The following FGF12 variants were observed in gnomAD, a reference collection of about 807,000 sequenced individuals.
FGF12 encodes the protein fibroblast growth factor 12B.
Under a neutral mutation model 23.6 loss-of-function variants are expected in FGF12, and 14 were observed. The ratio of observed to expected loss-of-function variants is 0.59; its 90% CI spans 0.39 to 0.93. The LOEUF (loss-of-function observed/expected upper bound fraction) is 0.93, where lower values mean the gene tolerates loss of function less well. Among genes scored for constraint, FGF12 ranks in the 40% least tolerant of loss-of-function variants. The pLI is 0.00. For synonymous variants in FGF12, 62 were observed against 77.3 expected (o/e 0.80, Z 1.04); for missense variants, 175 against 217.8 (o/e 0.80, Z 1.24).
At chr3:192,172,818 T>C (rs1483012310) in intron 4 of FGF12, among the ~76,000 whole-genome samples, 1 of 150,944 alleles carries the variant, frequency 6.6e-6, no homozygotes, top group East Asian at 1.9e-4. Context: ...TGAAAACATA[T>C]GTCCACACAA....
intron 2 of FGF12, among the ~76,000 whole-genome samples, chr3:192,416,667 AC>A (rs1028148274): frequency 3.3e-5 from 5 of 152,140 alleles, no homozygotes; most frequent in African/African-American, 1.2e-4. Flanking sequence ...CAGATTAAAA[AC>A]ATTGAAGAAT....
At chr3:192,297,909 T>C (rs1182048905) in intron 4 of FGF12, among the ~76,000 whole-genome samples, 2 of 152,204 alleles carry the variant, frequency 1.3e-5, no homozygotes, top group African/African-American at 4.8e-5. Context: ...CCAACGTGTG[T>C]GCAGTTTTTA....
At chr3:192,365,713 A>T (rs1718950985) in intron 2 of FGF12, among the ~76,000 whole-genome samples, 1 of 152,168 alleles carries the variant, frequency 6.6e-6, no homozygotes, top group Admixed American at 6.6e-5. Flanking sequence ...TCCCATCAGG[A>T]TGACATGGCA....
chr3:192,364,265 C>T (rs1197013528), intron 2 of FGF12, among the ~76,000 whole-genome samples: 1 of 152,190 alleles, frequency 6.6e-6, no homozygotes, highest in Non-Finnish European at 1.5e-5. Context: ...CAAATAGGGT[C>T]AATGGAATAG....
intron 4 of FGF12, among the ~76,000 whole-genome samples, chr3:192,277,906 G>A (rs945981221): frequency 3.3e-5 from 5 of 152,196 alleles, no homozygotes; most frequent in Non-Finnish European, 7.3e-5. Context: ...GGGAATACAG[G>A]CGCCTGCCAC....
intron 2 of FGF12, among the ~76,000 whole-genome samples, chr3:192,646,882 A>G (rs1716026119): frequency 6.6e-6 from 1 of 151,922 alleles, no homozygotes; most frequent in Admixed American, 6.6e-5. Context: ...ATACATCAAT[A>G]AAGTTTTTTT....
chr3:192,369,766 C>T (rs1349968366), intron 2 of FGF12, among the ~76,000 whole-genome samples: 1 of 152,172 alleles, frequency 6.6e-6, no homozygotes, highest in Non-Finnish European at 1.5e-5. Context: ...GATGCAATTC[C>T]TGCCTTGAAG....
At chr3:192,279,497 G>C (rs1714017374) in intron 4 of FGF12, among the ~76,000 whole-genome samples, 1 of 151,994 alleles carries the variant, frequency 6.6e-6, no homozygotes, top group Non-Finnish European at 1.5e-5. Flanking sequence ...TATAGATGAA[G>C]AAACAGAGGC....
intron 3 of FGF12, among the ~76,000 whole-genome samples, chr3:192,343,181 A>G (rs907728863): frequency 3.9e-5 from 6 of 152,154 alleles, no homozygotes; most frequent in Admixed American, 1.3e-4. Context: ...ATTTTGTCAA[A>G]TGGCCAATAA....
At chr3:192,515,243 C>T (rs2108842526) in intron 2 of FGF12, 1 of 152,404 alleles carries the variant, frequency 6.6e-6, no homozygotes, top group African/African-American at 2.4e-5. Context: ...AGGCAGCGGT[C>T]CCGCGGGCTG....
chr3:192,202,152 G>GA (rs1261264342), intron 4 of FGF12, among the ~76,000 whole-genome samples: 4 of 150,936 alleles, frequency 2.7e-5, no homozygotes, highest in South Asian at 2.1e-4. Context: ...ATGGGACCCT[G>GA]AAAAAAAAAG....
In FGF12 at chr3:192,664,620, G is replaced by T. The variant is rs1239807367; in HGVS notation, c.13+62561C>A. The stretch of plus-strand genomic sequence containing the variant: ...AAAAAAAATACAAAAAAAAAAAAAA[G>T]CTGGGCATGGTGGCATGCACCTGTA... On this transcript the variant is annotated intron_variant, in intron 2 of 5. Transcript: ENST00000445105. Among the ~76,000 whole-genome samples, 19 of 57,116 alleles carry T rather than the reference G, an allele frequency of 3.3e-4. 1 individual carries two copies. Among genetic ancestry groups the T allele is most frequent in the African/African-American group, 1.3e-3 (18 of 13,928 alleles). The allele number at this position is 57,116 out of a possible 152,430, so 37.5% of individuals were successfully genotyped here.
intron 2 of FGF12, among the ~76,000 whole-genome samples, chr3:192,614,635 T>A (rs930818950): frequency 6.6e-6 from 1 of 151,988 alleles, no homozygotes; most frequent in African/African-American, 2.4e-5. Flanking sequence ...CTCTAATCCG[T>A]TTTTTTCTCA....
chr3:192,403,632 G>C (rs1392785779), intron 2 of FGF12, among the ~76,000 whole-genome samples: 1 of 151,114 alleles, frequency 6.6e-6, no homozygotes, highest in African/African-American at 2.4e-5. Context: ...ACTTTCAAAA[G>C]AGAAAATGTA....
At chr3:192,435,936 T>C (rs970423123) in intron 2 of FGF12, among the ~76,000 whole-genome samples, 1 of 152,206 alleles carries the variant, frequency 6.6e-6, no homozygotes, top group Non-Finnish European at 1.5e-5. Context: ...AAAAAGAATA[T>C]TTATTTTGAA....
chr3:192,633,336 G>A (rs1247499005), intron 2 of FGF12, among the ~76,000 whole-genome samples: 9 of 152,002 alleles, frequency 5.9e-5, no homozygotes, highest in African/African-American at 1.9e-4. Flanking sequence ...GTGAGCCCTC[G>A]CGCCCGGCCT....
At chr3:192,209,828 G>A (rs1717838035) in intron 4 of FGF12, among the ~76,000 whole-genome samples, 2 of 152,180 alleles carry the variant, frequency 1.3e-5, no homozygotes, top group South Asian at 4.1e-4. Context: ...AGTTGGTACA[G>A]CCAGAAACCA....
chr3:192,672,881 C>T (rs1304635277), intron 2 of FGF12: 1 of 150,862 alleles, frequency 6.6e-6, no homozygotes, highest in Non-Finnish European at 1.5e-5. Context: ...TGAGCTCCTA[C>T]TGTGTGCTAC....
At chr3:192,256,591 T>G (rs1426664097) in intron 4 of FGF12, among the ~76,000 whole-genome samples, 1 of 152,144 alleles carries the variant, frequency 6.6e-6, no homozygotes, top group East Asian at 1.9e-4. Flanking sequence ...AAGCATTTAA[T>G]GGCAAAAAAA....
Sources: allele counts gnomAD v4.1 joint callset (sites outside exome capture counted in the v4.1 genomes callset), GRCh38; gene constraint gnomAD v4.1.1; transcripts MANE v1.5; gene names NCBI Gene and HGNC (gene_info 2026-07-23, HGNC 2026-07-21).